The following CDHR2 variants were observed in gnomAD, a reference collection of about 807,000 sequenced individuals.
CDHR2 encodes cadherin-related family member 2.
CDHR2 carries 104 observed loss-of-function variants against 138.6 expected under a neutral mutation model. The observed-to-expected ratio is 0.75, with a 90% CI of 0.64 to 0.88. The LOEUF (loss-of-function observed/expected upper bound fraction) is 0.88, where lower values mean the gene tolerates loss of function less well. Ranked by LOEUF, CDHR2 falls within the 40% of genes least tolerant of loss-of-function variation. The pLI is 0.00. For synonymous variants in CDHR2, 755 were observed against 742.8 expected, an observed-to-expected ratio of 1.02 and a Z score of -0.27; for missense variants, 1,624 against 1,727.6, an observed-to-expected ratio of 0.94 and a Z score of 1.06.
intron 3 of CDHR2, chr5:176,567,207 C>G (rs546756357): frequency 5.6e-5 from 19 of 337,108 alleles, no homozygotes; most frequent in Middle Eastern, 8.6e-4. Context: ...CTGGCTCTGT[C>G]CCCCAGGCTG....
intron 1 of CDHR2, among the ~76,000 whole-genome samples, chr5:176,560,697 A>C (rs1452884345): frequency 6.6e-6 from 1 of 152,218 alleles, no homozygotes; most frequent in Non-Finnish European, 1.5e-5. Context: ...TGCTGGGAGC[A>C]GGGTCTGGCA....
At position 176,575,069 on chromosome 5, in the gene CDHR2, T is replaced by C; in HGVS notation, c.496-15T>C. 6.2e-7 allele frequency: 1 copy of C among 1,613,822 alleles called. No individual in the cohort carries two copies. Among genetic ancestry groups the C allele is most frequent in the Non-Finnish European group, 8.5e-7 (1 of 1,179,964 alleles). On this transcript the variant is annotated splice_polypyrimidine_tract_variant and intron_variant, in intron 7 of 31. Coordinates refer to ENST00000261944, the MANE Select transcript of CDHR2 (RefSeq NM_017675.6). ...CTGTCCCTAGGGAGCCTGACCCAAG[T>C]CTGCTCTGCCCCAGGTCATCCCTAG...
rs902880028 is a variant in CDHR2, at chr5:176,575,467, C to T, written c.769-39C>T. ...GTGGGGTGTGGGTGGAGGCGGGAGGCGGGGAAGTTTGAGGAGCACTGACCA... is the reference window on the plus strand; with the variant it reads ...GTGGGGTGTGGGTGGAGGCGGGAGGTGGGGAAGTTTGAGGAGCACTGACCA... On this transcript the variant is annotated intron_variant, in intron 9 of 31. Coordinates refer to ENST00000261944, the MANE Select transcript of CDHR2 (RefSeq NM_017675.6). The T allele has an allele frequency of 7.4e-6, 12 of 1,613,934 alleles. No homozygotes were observed. The Admixed American group carries it at 1.2e-4, about 16-fold the overall frequency.
At chr5:176,555,994 G>C (rs1757813522) in intron 1 of CDHR2, among the ~76,000 whole-genome samples, 1 of 152,120 alleles carries the variant, frequency 6.6e-6, no homozygotes, top group Non-Finnish European at 1.5e-5. Flanking sequence ...TCATAGGGTG[G>C]AGCATGCTCT....
intron 21 of CDHR2, among the ~76,000 whole-genome samples, chr5:176,587,932 A>T (rs544262701): frequency 1.7e-4 from 26 of 152,342 alleles, no homozygotes; most frequent in Admixed American, 1.3e-3. Flanking sequence ...TAATGTCAAG[A>T]GTTTAGCCAC....
chr5:176,586,806 A>G lies in CDHR2; in HGVS notation c.2820A>G (p.Glu940=), dbSNP rs1366553374. The G allele has an allele frequency of 6.2e-7, 1 of 1,609,136 alleles. No homozygotes were observed. Among genetic ancestry groups the G allele is most frequent in the East Asian group, 2.2e-5 (1 of 44,820 alleles). The change falls in exon 21 of 32, where the codon GAA becomes GAG. Residue 940 remains glutamate, a synonymous_variant. Coordinates refer to ENST00000261944, the MANE Select transcript of CDHR2 (RefSeq NM_017675.6). Reference sequence around the variant, plus strand: ...TCACACCTGCAGTGATCATCCCTGAACTCGTGCTGCCCAACCGGGAGGTGG... The same window carrying G: ...TCACACCTGCAGTGATCATCCCTGAGCTCGTGCTGCCCAACCGGGAGGTGG... The part of the protein sequence containing the change: ...PENKTFVIIP[E]LVLPNREVAS...
In CDHR2 at chr5:176,575,295, T is replaced by A. The variant is rs748050927; in HGVS notation, c.637T>A (p.Tyr213Asn). The A allele has an allele frequency of 5.5e-5, 89 of 1,614,110 alleles. No homozygotes were observed. Among genetic ancestry groups the A allele is most frequent in the Non-Finnish European group, 7.3e-5 (86 of 1,180,038 alleles). ...CTCCCCGCAGGACTTGGGCGGCATG[T>A]ACCACAACACCTTCACCATCCAGTG... Reference protein sequence around the residue: ...ELKACDLGGMYHNTFTIQCSL... With the variant: ...ELKACDLGGMNHNTFTIQCSL... The change falls in exon 9 of 32, where the codon TAC (tyrosine) becomes AAC (asparagine). Residue 213 changes from tyrosine (Y) to asparagine (N), a missense_variant. Physicochemically the swap from Tyr to Asn is moderately radical, Grantham distance 143. Transcript: ENST00000261944.
chr5:176,578,535 A>G lies in CDHR2; in HGVS notation c.1745A>G (p.Asn582Ser). The stretch of plus-strand genomic sequence containing the variant: ...ATCCACCTGCTGGACATCAACGACA[A>G]TGCACCCGTGGTTAGCGGCTCCTAC... ...LQIHLLDIND[N>S]APVVSGSYNI... The change falls in exon 16 of 32, where the codon AAT (asparagine) becomes AGT (serine). Residue 582 changes from asparagine to serine, a missense_variant. By Grantham distance (46) the Asn-to-Ser change is conservative. Around this residue, in one of 3 missense-constraint regions of CDHR2, gnomAD observed 1,061 missense variants for 1,136.6 expected, o/e 0.93. Coordinates refer to ENST00000261944, the MANE Select transcript of CDHR2 (RefSeq NM_017675.6). The G allele has an allele frequency of 6.2e-7, 1 of 1,614,166 alleles. No homozygotes were observed. Among genetic ancestry groups the G allele is most frequent in the Non-Finnish European group, 8.5e-7 (1 of 1,180,034 alleles).
intron 1 of CDHR2, among the ~76,000 whole-genome samples, chr5:176,542,999 C>T (rs1757488454): frequency 6.6e-6 from 1 of 152,068 alleles, no homozygotes; most frequent in Non-Finnish European, 1.5e-5. Context: ...GGGACGTGCG[C>T]GGGGCGCAGG....
intron 1 of CDHR2, among the ~76,000 whole-genome samples, chr5:176,562,157 C>G (rs1274007973): frequency 6.6e-6 from 1 of 151,946 alleles, no homozygotes; most frequent in African/African-American, 2.4e-5. Context: ...TGGACTCTAG[C>G]AATGGGGAGC....
chr5:176,576,393 G>A lies in CDHR2; in HGVS notation c.1194+208G>A, dbSNP rs1027077887. ...CGATCCGTGTGGGGCTGAATAGAAG[G>A]CCATGCTGAGTGGAGGCTGACGTAG... On this transcript the variant is annotated intron_variant, in intron 12 of 31. Coordinates refer to ENST00000261944, the MANE Select transcript of CDHR2 (RefSeq NM_017675.6). This position sits in a 1 kb window ranked among gnomAD's most constrained non-coding sequence, Gnocchi z 4.5. 6.6e-6 allele frequency among the ~76,000 whole-genome samples: 1 copy of A among 152,098 alleles called. No individual in the cohort carries two copies. The highest frequency in any genetic ancestry group is 1.5e-5 in the Non-Finnish European group (1 of 68,026).
At chr5:176,554,061 T>C (rs1008180053) in intron 1 of CDHR2, among the ~76,000 whole-genome samples, 1 of 152,146 alleles carries the variant, frequency 6.6e-6, no homozygotes, top group Non-Finnish European at 1.5e-5. Flanking sequence ...CATCTGTATT[T>C]ATCAGTCTGG....
chr5:176,585,851 G>A (rs1758651395), intron 19 of CDHR2, 103 bp from the exon 20 acceptor site: 2 of 892,168 alleles, frequency 2.2e-6, no homozygotes, highest in Admixed American at 1.8e-5. Context: ...CGGGGTTGAG[G>A]CTGCGGGGCA....
At chr5:176,562,849 C>T (rs543876945) in intron 1 of CDHR2, among the ~76,000 whole-genome samples, 2 of 152,142 alleles carry the variant, frequency 1.3e-5, no homozygotes, top group Middle Eastern at 3.2e-3. Context: ...GTTGAACACA[C>T]GTGCATGCAA....
At chr5:176,546,643 G>A (rs542089867), upstream of CDHR2, among the ~76,000 whole-genome samples, 4 of 151,514 alleles carry the variant, frequency 2.6e-5, no homozygotes, top group East Asian at 5.8e-4. Flanking sequence ...AATTGTGGCT[G>A]GGCAGGGCGG....
At chr5:176,562,181 T>C (rs1157367074) in intron 1 of CDHR2, among the ~76,000 whole-genome samples, 2 of 152,022 alleles carry the variant, frequency 1.3e-5, no homozygotes, top group East Asian at 3.9e-4. Flanking sequence ...CGAAGGGTTT[T>C]GAGTGAGGGC....
chr5:176,576,250 G>A lies in CDHR2; in HGVS notation c.1194+65G>A, dbSNP rs1758379936. ...GGAGGCCAGTGGGAGCCTGGATCGA[G>A]TGACGGTGTCATGTGGTGCTGGGTG... is the stretch of plus-strand genomic sequence containing the variant. On this transcript the variant is annotated intron_variant, in intron 12 of 31. Transcript: ENST00000261944. This position sits in a 1 kb window ranked among gnomAD's most constrained non-coding sequence, Gnocchi z 4.5. The A allele has an allele frequency of 2.3e-6, 3 of 1,307,914 alleles. No individual in the cohort carries two copies. The highest frequency in any genetic ancestry group is 3.2e-6 in the Non-Finnish European group (3 of 934,434). The allele number at this position is 1,307,914 out of a possible 1,614,324, so 81.0% of individuals were successfully genotyped here. A position where few individuals can be genotyped will look rare whatever the true frequency, so the allele number is the denominator to read the frequency against.
In CDHR2 at chr5:176,589,550, A is replaced by G; in HGVS notation, c.3140A>G (p.Tyr1047Cys). The change falls in exon 24 of 32, where the codon TAC becomes TGC. Residue 1047 changes from tyrosine to cysteine, a missense_variant. Physicochemically the swap from Tyr to Cys is radical, Grantham distance 194. Around this residue, in one of 3 missense-constraint regions of CDHR2, gnomAD observed 556 missense variants for 565.7 expected, o/e 0.98. Coordinates refer to ENST00000261944, the MANE Select transcript of CDHR2 (RefSeq NM_017675.6). ...TLNLFTVDQSYRSRLQFSTPK... is the reference protein window; with the variant it reads ...TLNLFTVDQSCRSRLQFSTPK... Reference sequence around the variant, plus strand: ...CAGCTCTTCACCGTGGACCAGAGTTACCGCTCGCGGCTGCAGTTCTCCACA... The same window carrying G: ...CAGCTCTTCACCGTGGACCAGAGTTGCCGCTCGCGGCTGCAGTTCTCCACA... 1.2e-6 allele frequency: 2 copies of G among 1,613,944 alleles called. No homozygotes were observed. The highest frequency in any genetic ancestry group is 1.7e-6 in the Non-Finnish European group (2 of 1,180,000).
chr5:176,568,855 G>C (rs201569685), intron 4 of CDHR2, 38 bp downstream of exon 4: 1 of 1,612,372 alleles, frequency 6.2e-7, no homozygotes, highest in Admixed American at 1.7e-5. Flanking sequence ...GGGACGCGGA[G>C]GGGGTGCTGG....
Sources: gnomAD v4.1 joint callset for allele counts (sites outside exome capture counted in the v4.1 genomes callset) on GRCh38, gnomAD v4.1.1 for gene constraint, gnomAD v4.1.1 regional missense constraint, Gnocchi (gnomAD v3.1) non-coding constraint, MANE v1.5 for transcripts, NCBI Gene and HGNC (gene_info 2026-07-23, HGNC 2026-07-21) for gene names.